Variants in GPC6 observed in about 807,000 individuals in gnomAD.
GPC6 encodes glypican 6.
In GPC6, 14 loss-of-function variants were observed where a neutral mutation model predicts 55.2. The ratio of observed to expected loss-of-function variants is 0.25; its 90% CI spans 0.17 to 0.40. GPC6 has a LOEUF of 0.40. Among genes scored for constraint, GPC6 ranks in the 10% least tolerant of loss-of-function variants. GPC6 has a pLI of 1.00. For missense variants in GPC6, 641 were observed against 708.5 expected (o/e 0.90, Z 1.08); for synonymous variants, 278 against 259.6 (o/e 1.07, Z -0.68).
intron 1 of GPC6, among the ~76,000 whole-genome samples, chr13:93,320,648 TAC>T (rs923680946): frequency 4.0e-5 from 6 of 151,708 alleles, no homozygotes; most frequent in African/African-American, 7.3e-5. Flanking sequence ...TATATATATA[TAC>T]ACACACACTC....
At chr13:94,226,411 G>C (rs1015943990) in intron 4 of GPC6, among the ~76,000 whole-genome samples, 1 of 152,100 alleles carries the variant, frequency 6.6e-6, no homozygotes, top group Admixed American at 6.6e-5. Context: ...AAAATAGCTA[G>C]AAGAGAGGAT....
chr13:93,885,619 G>A (rs1854733), intron 3 of GPC6, among the ~76,000 whole-genome samples: 3,601 of 150,998 alleles, frequency 0.024, 71 homozygotes, highest in Non-Finnish European at 0.029. Flanking sequence ...AAAATTACAG[G>A]CTAAAGTTCC....
chr13:93,608,043 T>G (rs1003588156), intron 2 of GPC6, among the ~76,000 whole-genome samples: 2 of 152,214 alleles, frequency 1.3e-5, no homozygotes, highest in Non-Finnish European at 2.9e-5. Flanking sequence ...GAGTATTTTT[T>G]TTTCTAGTAT....
At chr13:94,278,971 C>A (rs534267765) in intron 4 of GPC6, among the ~76,000 whole-genome samples, 2 of 152,234 alleles carry the variant, frequency 1.3e-5, no homozygotes, top group Non-Finnish European at 2.9e-5. Flanking sequence ...AGGGAGGAGT[C>A]CCTCCTTTTC....
At chr13:93,687,638 G>A (rs997112194) in intron 2 of GPC6, among the ~76,000 whole-genome samples, 12 of 151,976 alleles carry the variant, frequency 7.9e-5, no homozygotes, top group African/African-American at 2.9e-4. Context: ...TATTTTGTAA[G>A]GCTTAAACAA....
chr13:94,362,917 A>G (rs1266831509), intron 6 of GPC6, among the ~76,000 whole-genome samples: 2 of 152,216 alleles, frequency 1.3e-5, no homozygotes, highest in Non-Finnish European at 2.9e-5. Flanking sequence ...ATACATGTGC[A>G]GAACGTGCAG....
intron 4 of GPC6, among the ~76,000 whole-genome samples, chr13:94,107,582 T>C (rs1458338348): frequency 1.3e-5 from 2 of 151,260 alleles, no homozygotes. Context: ...TTTCTCTTTT[T>C]TTTTTTTTTT....
chr13:94,010,202 T>C (rs1471709327), intron 3 of GPC6, among the ~76,000 whole-genome samples: 1 of 152,104 alleles, frequency 6.6e-6, no homozygotes, highest in Non-Finnish European at 1.5e-5. Context: ...AAAAAGTAAA[T>C]GCCAATAAAA....
At chr13:93,350,768 C>T (rs143579316) in intron 1 of GPC6, among the ~76,000 whole-genome samples, 3 of 152,116 alleles carry the variant, frequency 2.0e-5, no homozygotes, top group African/African-American at 7.2e-5. Context: ...AAAGCTAGAT[C>T]AAGTATTAAG....
chr13:94,252,958 GAAAA>G (rs3043533), intron 4 of GPC6, among the ~76,000 whole-genome samples: 57 of 139,038 alleles, frequency 4.1e-4, no homozygotes, highest in East Asian at 1.6e-3. Context: ...GAATAAAAAA[GAAAA>G]AAAAAAAAAA....
intron 2 of GPC6, among the ~76,000 whole-genome samples, chr13:93,700,375 T>C (rs1277516875): frequency 2.6e-5 from 4 of 152,038 alleles, no homozygotes; most frequent in Non-Finnish European, 5.9e-5. Context: ...AAGGATGTTC[T>C]ACAGCAATAG....
intron 4 of GPC6, among the ~76,000 whole-genome samples, chr13:94,163,997 A>G (rs1444010307): frequency 6.6e-6 from 1 of 152,208 alleles, no homozygotes; most frequent in East Asian, 1.9e-4. Flanking sequence ...CAGTACTTAA[A>G]TTTGCAAGAA....
At chr13:93,555,369 C>A (rs1875404287) in intron 2 of GPC6, among the ~76,000 whole-genome samples, 1 of 152,174 alleles carries the variant, frequency 6.6e-6, no homozygotes, top group Admixed American at 6.5e-5. Flanking sequence ...CTATACCTGA[C>A]TTAATATGAA....
At chr13:94,271,079 T>C (rs1420577684) in intron 4 of GPC6, among the ~76,000 whole-genome samples, 2 of 144,394 alleles carry the variant, frequency 1.4e-5, no homozygotes, top group South Asian at 2.3e-4. Context: ...AAGCTCCAGC[T>C]TCCCAGGTTC....
chr13:93,738,327 T>C (rs939303137), intron 2 of GPC6, among the ~76,000 whole-genome samples: 1 of 152,202 alleles, frequency 6.6e-6, no homozygotes, highest in Non-Finnish European at 1.5e-5. Context: ...TTGTTCTGAA[T>C]AGTGGTATCT....
chr13:94,298,974 A>G (rs911750812), intron 5 of GPC6, among the ~76,000 whole-genome samples: 2 of 152,182 alleles, frequency 1.3e-5, no homozygotes, highest in African/African-American at 4.8e-5. Context: ...AGAAATCTAC[A>G]TGCTAATTGC....
At chr13:94,256,440 A>G (rs556290054) in intron 4 of GPC6, among the ~76,000 whole-genome samples, 209 of 152,294 alleles carry the variant, frequency 1.4e-3, no homozygotes, top group African/African-American at 4.9e-3. Context: ...AGAAAGAAGC[A>G]TCTTGCTACA....
intron 4 of GPC6, among the ~76,000 whole-genome samples, chr13:94,094,006 T>C (rs759015925): frequency 3.3e-5 from 5 of 152,132 alleles, no homozygotes; most frequent in Non-Finnish European, 7.4e-5. Context: ...GAGAGTCCTA[T>C]TACTGCTGAA....
chr13:93,738,629 TA>T (rs1884083900), intron 2 of GPC6, among the ~76,000 whole-genome samples: 1 of 152,014 alleles, frequency 6.6e-6, no homozygotes, highest in Admixed American at 6.6e-5. Flanking sequence ...CATCACACAA[TA>T]ATTCTCAGAG....
Sources: gnomAD v4.1 joint callset for allele counts (sites outside exome capture counted in the v4.1 genomes callset) on GRCh38, gnomAD v4.1.1 for gene constraint, MANE v1.5 for transcripts, NCBI Gene and HGNC (gene_info 2026-07-23, HGNC 2026-07-21) for gene names.